Variants in TTC28 observed in about 807,000 individuals in gnomAD.
The protein encoded by TTC28 is tetratricopeptide repeat protein 28.
TTC28 carries 61 observed loss-of-function variants against 198.0 expected under a neutral mutation model. That is an observed-to-expected ratio of 0.31 (90% CI 0.25 to 0.38). The LOEUF is 0.38. TTC28 is among the 10% of genes least tolerant of loss of function. TTC28 has a pLI of 1.00. For missense variants in TTC28, 2,678 were observed against 3,164.0 expected (o/e 0.85, Z 3.69); for synonymous variants, 1,171 against 1,297.8 (o/e 0.90, Z 2.10).
intron 13 of TTC28, among the ~76,000 whole-genome samples, chr22:28,021,408 A>G (rs1393417911): frequency 1.3e-5 from 2 of 152,116 alleles, no homozygotes; most frequent in African/African-American, 4.8e-5. Flanking sequence ...TAGGAAGGGT[A>G]CCACCTGAGG....
intron 9 of TTC28, among the ~76,000 whole-genome samples, chr22:28,100,712 G>A (rs1942117287): frequency 6.6e-6 from 1 of 152,174 alleles, no homozygotes; most frequent in Admixed American, 6.5e-5. Flanking sequence ...ACCTAACAGA[G>A]GAGGCCTATA....
chr22:28,355,792 C>G (rs907814549), intron 2 of TTC28, among the ~76,000 whole-genome samples: 1 of 152,290 alleles, frequency 6.6e-6, no homozygotes, highest in African/African-American at 2.4e-5. Context: ...ATCTCACACC[C>G]AACTATAGTG....
At chr22:28,159,003 C>T (rs374426880) in intron 6 of TTC28, among the ~76,000 whole-genome samples, 12 of 152,182 alleles carry the variant, frequency 7.9e-5, no homozygotes, top group Non-Finnish European at 1.0e-4. Context: ...AAAATATTTG[C>T]GAACTACCCA....
intron 2 of TTC28, among the ~76,000 whole-genome samples, chr22:28,536,890 T>C (rs552568215): frequency 1.3e-5 from 2 of 151,964 alleles, no homozygotes; most frequent in South Asian, 4.2e-4. Flanking sequence ...CCAACTCAGA[T>C]ATCAATTTAT....
At chr22:28,296,110 C>T in intron 5 of TTC28, 88 bp downstream of exon 5, 1 of 1,345,678 alleles carries the variant, frequency 7.4e-7, no homozygotes, top group Non-Finnish European at 1.0e-6. Flanking sequence ...TTTTAAGATA[C>T]CTGAAACAGT....
At position 28,050,183 on chromosome 22, in the gene TTC28, C is replaced by T. The variant is rs375690258; in HGVS notation, c.3933-19817G>A. ...GGTAATAAGCAGCAGAAGTAGGCCC[C>T]GGAGCCAGGTGAGCTTGAATCAGGC... On this transcript the variant is annotated intron_variant, in intron 12 of 22. Coordinates refer to ENST00000397906, the MANE Select transcript of TTC28 (RefSeq NM_001145418.2). Among the ~76,000 whole-genome samples, 10 of 152,140 alleles carry T rather than the reference C, an allele frequency of 6.6e-5. 1 individual carries two copies. Among genetic ancestry groups the T allele is most frequent in the East Asian group, 5.8e-4 (3 of 5,144 alleles).
At chr22:28,353,297 A>C (rs1259699581) in intron 2 of TTC28, among the ~76,000 whole-genome samples, 1 of 152,208 alleles carries the variant, frequency 6.6e-6, no homozygotes. Flanking sequence ...GTTATTTTTA[A>C]AATTTAAATG....
At chr22:28,192,477 G>A (rs1355686751) in intron 5 of TTC28, among the ~76,000 whole-genome samples, 4 of 152,156 alleles carry the variant, frequency 2.6e-5, no homozygotes, top group East Asian at 3.9e-4. Flanking sequence ...GTTTTCACAC[G>A]ATTGGTAATA....
chr22:28,159,754 T>A (rs1296400530), intron 6 of TTC28, among the ~76,000 whole-genome samples: 7 of 152,092 alleles, frequency 4.6e-5, no homozygotes, highest in African/African-American at 1.7e-4. Context: ...GTCGAAGAGA[T>A]ATCTGTACTT....
At chr22:28,057,973 C>T (rs1022320060) in intron 12 of TTC28, among the ~76,000 whole-genome samples, 2 of 152,150 alleles carry the variant, frequency 1.3e-5, no homozygotes, top group Non-Finnish European at 2.9e-5. Flanking sequence ...TTATGTGCCA[C>T]ACTGTCTTGA....
At chr22:28,097,571 C>G (rs1942014442) in intron 10 of TTC28, among the ~76,000 whole-genome samples, 1 of 152,010 alleles carries the variant, frequency 6.6e-6, no homozygotes, top group Admixed American at 6.5e-5. Flanking sequence ...CAATCTGAAA[C>G]CACAAAAAAT....
chr22:28,646,694 A>G (rs1243522830), intron 1 of TTC28, among the ~76,000 whole-genome samples: 1 of 152,122 alleles, frequency 6.6e-6, no homozygotes, highest in African/African-American at 2.4e-5. Flanking sequence ...GCAAAATGCC[A>G]TCTCTACTAA....
chr22:28,456,662 AC>A (rs2047864781), intron 2 of TTC28, among the ~76,000 whole-genome samples: 2 of 151,900 alleles, frequency 1.3e-5, no homozygotes, highest in Non-Finnish European at 1.5e-5. Context: ...TGCAACCTCC[AC>A]CCCCAGGATT....
intron 2 of TTC28, among the ~76,000 whole-genome samples, chr22:28,316,056 C>T (rs2045346593): frequency 6.6e-6 from 1 of 152,102 alleles, no homozygotes; most frequent in Admixed American, 6.6e-5. Context: ...TCTTTTAATG[C>T]GCATGTGGGC....
intron 1 of TTC28, among the ~76,000 whole-genome samples, chr22:28,635,853 G>A (rs1359930376): frequency 6.6e-6 from 1 of 152,044 alleles, no homozygotes. Flanking sequence ...CAAATTTCAA[G>A]TATATAATAT....
chr22:28,376,593 C>T (rs950762542), intron 2 of TTC28, among the ~76,000 whole-genome samples: 11 of 151,910 alleles, frequency 7.2e-5, no homozygotes, highest in African/African-American at 2.4e-4. Flanking sequence ...GACAATAATC[C>T]TGAGAGAAGG....
chr22:28,663,239 C>T (rs1396827421), intron 1 of TTC28, among the ~76,000 whole-genome samples: 1 of 147,544 alleles, frequency 6.8e-6, no homozygotes, highest in Non-Finnish European at 1.5e-5. Context: ...CAGAGCGAAA[C>T]TCCGTCTCAA....
At chr22:28,675,065 T>TA (rs1333269414) in intron 1 of TTC28, among the ~76,000 whole-genome samples, 1 of 152,084 alleles carries the variant, frequency 6.6e-6, no homozygotes, top group Non-Finnish European at 1.5e-5. Flanking sequence ...GAACAGAACT[T>TA]AAGAGTCCAG....
At chr22:28,536,079 T>C (rs900021663) in intron 2 of TTC28, among the ~76,000 whole-genome samples, 2 of 149,846 alleles carry the variant, frequency 1.3e-5, no homozygotes, top group Non-Finnish European at 3.0e-5. Flanking sequence ...GCCCCTGTAG[T>C]CCCAGCTACT....
Sources: allele counts gnomAD v4.1 joint callset (sites outside exome capture counted in the v4.1 genomes callset), GRCh38; gene constraint gnomAD v4.1.1; transcripts MANE v1.5; gene names NCBI Gene and HGNC (gene_info 2026-07-23, HGNC 2026-07-21).